The following SCCPDH variants were observed in gnomAD, a reference collection of about 807,000 sequenced individuals.
SCCPDH encodes saccharopine dehydrogenase-like oxidoreductase.
Under a neutral mutation model 51.5 loss-of-function variants are expected in SCCPDH, and 34 were observed. The ratio of observed to expected loss-of-function variants is 0.66; its 90% CI spans 0.50 to 0.88. The LOEUF (loss-of-function observed/expected upper bound fraction) is 0.88, where lower values mean the gene tolerates loss of function less well. Ranked by LOEUF, SCCPDH falls within the 40% of genes least tolerant of loss-of-function variation. SCCPDH has a pLI of 0.00. For synonymous variants in SCCPDH, 187 were observed against 191.3 expected (o/e 0.98, Z 0.19); for missense variants, 464 against 527.1 (o/e 0.88, Z 1.17).
At chr1:246,765,692 A>AGCAGT (rs1013785697) in intron 10 of SCCPDH, among the ~76,000 whole-genome samples, 10 of 152,200 alleles carry the variant, frequency 6.6e-5, no homozygotes, top group Non-Finnish European at 1.3e-4. Flanking sequence ...ATTGTCAAGA[A>AGCAGT]GCAGTGCAGT....
chr1:246,728,042 T>C (rs7419196), intron 2 of SCCPDH, among the ~76,000 whole-genome samples: 1 of 151,692 alleles, frequency 6.6e-6, no homozygotes, highest in Non-Finnish European at 1.5e-5. Context: ...GGGGTCGTAG[T>C]GGTGCTGAGA....
Position 246,727,843 on chromosome 1 carries a change from C to T in SCCPDH, c.303+839C>T, listed in dbSNP as rs1003314225. Among the ~76,000 whole-genome samples the T allele has an allele frequency of 8.5e-5, 13 of 152,082 alleles. No homozygotes were observed. In the South Asian group the frequency reaches 1.7e-3, roughly 19 times the overall value. ...GTGGAGAGTGGATCAGAGAGCAACC[C>T]GGGAGCTGGGTCATGTGGGATCTTA... is the stretch of plus-strand genomic sequence containing the variant. On this transcript the variant is annotated intron_variant, in intron 2 of 11. Coordinates refer to ENST00000366510, the MANE Select transcript of SCCPDH (RefSeq NM_016002.3).
chr1:246,730,878 G>A (rs185514875), intron 2 of SCCPDH, among the ~76,000 whole-genome samples: 60 of 152,208 alleles, frequency 3.9e-4, no homozygotes, highest in African/African-American at 1.4e-3. Flanking sequence ...GGCCAACATG[G>A]TGAAACCCTG....
chr1:246,756,698 A>G (rs1400069005), intron 5 of SCCPDH, among the ~76,000 whole-genome samples: 2 of 152,148 alleles, frequency 1.3e-5, no homozygotes, highest in Admixed American at 1.3e-4. Context: ...TTGTAGTTTT[A>G]ATAAAACAGA....
At chr1:246,762,105 C>T (rs907948416) in intron 9 of SCCPDH, among the ~76,000 whole-genome samples, 2 of 152,166 alleles carry the variant, frequency 1.3e-5, no homozygotes, top group Non-Finnish European at 2.9e-5. Flanking sequence ...TTTTGATTTG[C>T]ATTTACCTGA....
intron 4 of SCCPDH, among the ~76,000 whole-genome samples, chr1:246,742,996 A>G (rs549326614): frequency 3.3e-5 from 5 of 152,214 alleles, no homozygotes; most frequent in African/African-American, 9.6e-5. Flanking sequence ...TTTATATGCT[A>G]TCACAGAGGG....
chr1:246,763,015 C>G (rs527893654), intron 9 of SCCPDH, among the ~76,000 whole-genome samples: 1 of 152,020 alleles, frequency 6.6e-6, no homozygotes, highest in Non-Finnish European at 1.5e-5. Flanking sequence ...GACTCTGGTT[C>G]GGTTGGTCTG....
intron 6 of SCCPDH, 27 bp from the exon 7 acceptor site, chr1:246,759,007 C>G: frequency 7.8e-7 from 1 of 1,279,326 alleles, no homozygotes; most frequent in Non-Finnish European, 1.1e-6. Context: ...GCAGGAAATG[C>G]AAAATATTCA....
chr1:246,766,273 G>A (rs898732532), intron 11 of SCCPDH, 134 bp downstream of exon 11: 27 of 645,278 alleles, frequency 4.2e-5, no homozygotes, highest in Non-Finnish European at 6.7e-5. Flanking sequence ...AAAAATATAG[G>A]TAAATTAAAA....
At chr1:246,727,121 A>C in intron 2 of SCCPDH, 117 bp downstream of exon 2, 2 of 780,998 alleles carry the variant, frequency 2.6e-6, no homozygotes, top group Non-Finnish European at 4.2e-6. Flanking sequence ...TTAACCCCAT[A>C]TGGGGAGTTT....
Position 246,724,528 on chromosome 1 carries a change from C to A in SCCPDH, c.106C>A (p.Arg36=). The A allele has an allele frequency of 6.5e-7, 1 of 1,545,276 alleles. No homozygotes were observed. Among genetic ancestry groups the A allele is most frequent in the South Asian group, 1.2e-5 (1 of 83,882 alleles). The change falls in exon 1 of 12, where the codon CGG becomes AGG. Residue 36 remains arginine (R), a synonymous_variant. Transcript: ENST00000366510. ...EVAREQVDPE[R]SSRLPWAVAG... is the part of the protein sequence containing the mutation. ...GGCCCGGGAGCAGGTGGACCCGGAG[C>A]GGAGCTCCCGCCTGCCCTGGGCCGT...
intron 3 of SCCPDH, among the ~76,000 whole-genome samples, chr1:246,737,338 A>G (rs1668609014): frequency 6.6e-6 from 1 of 151,726 alleles, no homozygotes. Context: ...CAAATTAGCC[A>G]GGAGTTGGTA....
rs569576363 is a variant in SCCPDH at position 246,742,323 on chromosome 1, G to C, written c.515-1753G>C. ...TGAGGTTGTTCTCTGCTTTTATTTT[G>C]AATAAGCCTTTTTTTCCTTCATAAG... On this transcript the variant is annotated intron_variant, in intron 4 of 11. Coordinates refer to ENST00000366510, the MANE Select transcript of SCCPDH (RefSeq NM_016002.3). Among the ~76,000 whole-genome samples, 7 of 152,186 alleles carry C rather than the reference G, an allele frequency of 4.6e-5. No homozygotes were observed. The South Asian group carries it at 1.5e-3, about 32-fold the overall frequency.
chr1:246,745,677 T>A (rs765839957), intron 5 of SCCPDH, among the ~76,000 whole-genome samples: 14 of 152,206 alleles, frequency 9.2e-5, no homozygotes, highest in Non-Finnish European at 1.6e-4. Flanking sequence ...AAGTACTTTC[T>A]TCATCTCGAT....
At chr1:246,725,213 T>C (rs1668375124) in intron 1 of SCCPDH, among the ~76,000 whole-genome samples, 2 of 152,210 alleles carry the variant, frequency 1.3e-5, no homozygotes, top group Non-Finnish European at 2.9e-5. Context: ...ACGTATTCTC[T>C]AAGCATTCAG....
intron 1 of SCCPDH, among the ~76,000 whole-genome samples, chr1:246,725,545 C>G (rs1668383474): frequency 6.6e-6 from 1 of 152,182 alleles, no homozygotes; most frequent in Admixed American, 6.5e-5. Context: ...TACATTCTTT[C>G]TGTTTAATCT....
At chr1:246,725,777 C>T (rs1668388963) in intron 1 of SCCPDH, among the ~76,000 whole-genome samples, 1 of 152,154 alleles carries the variant, frequency 6.6e-6, no homozygotes, top group African/African-American at 2.4e-5. Flanking sequence ...CCGGTACAGC[C>T]TAGTCACTTA....
chr1:246,753,118 A>T (rs1668879552), intron 5 of SCCPDH, among the ~76,000 whole-genome samples: 1 of 144,310 alleles, frequency 6.9e-6, no homozygotes, highest in Non-Finnish European at 1.5e-5. Context: ...CTCCTCTAGG[A>T]TTTTTTTTCT....
At chr1:246,762,841 CAAAAAAAAAAAAA>C (rs35066232) in intron 9 of SCCPDH, among the ~76,000 whole-genome samples, 1 of 90,940 alleles carries the variant, frequency 1.1e-5, no homozygotes, top group African/African-American at 4.1e-5. Flanking sequence ...ATTCCTTCTC[CAAAAAAAAAAAAA>C]AAAAAAAAGA....
Sources: gnomAD v4.1 joint callset for allele counts (sites outside exome capture counted in the v4.1 genomes callset) on GRCh38, gnomAD v4.1.1 for gene constraint, MANE v1.5 for transcripts, NCBI Gene and HGNC (gene_info 2026-07-23, HGNC 2026-07-21) for gene names.